Variants in BNC2 observed in about 807,000 individuals in gnomAD.
BNC2 encodes zinc finger protein basonuclin-2.
In BNC2, 20 loss-of-function variants were observed where a neutral mutation model predicts 76.3. That is an observed-to-expected ratio of 0.26 (90% CI 0.18 to 0.38). The LOEUF (loss-of-function observed/expected upper bound fraction) is 0.38. BNC2 is among the 10% of genes least tolerant of loss of function. BNC2 has a pLI of 1.00. For missense variants in BNC2, 1,382 were observed against 1,399.8 expected (o/e 0.99, Z 0.20); for synonymous variants, 582 against 514.8 (o/e 1.13, Z -1.77).
Position 16,418,666 on chromosome 9 carries a change from G to C in BNC2, c.*323C>G. On this transcript the variant is annotated 3_prime_UTR_variant, in exon 7 of 7. Transcript: ENST00000380672. ...TCAAAACTGGGGCTAGTTGCACACT[G>C]TGTGTGTGTGTGTGTGTGTGTGTGT... 6.1e-6 allele frequency: 1 copy of C among 163,360 alleles called. No homozygotes were observed. The highest frequency in any genetic ancestry group is 1.2e-4 in the South Asian group (1 of 8,378). 10.1% of individuals were successfully genotyped at this position (163,360 alleles called of 1,614,324 possible). A position where few individuals can be genotyped will look rare whatever the true frequency, so the allele number is the denominator to read the frequency against.
chr9:16,644,264 G>A (rs1315051649), intron 3 of BNC2, among the ~76,000 whole-genome samples: 1 of 152,132 alleles, frequency 6.6e-6, no homozygotes, highest in East Asian at 1.9e-4. Context: ...AATAACCTTA[G>A]GTGGCCCCCT....
intron 3 of BNC2, among the ~76,000 whole-genome samples, chr9:16,674,952 T>C (rs1215213585): frequency 6.6e-6 from 1 of 152,178 alleles, no homozygotes; most frequent in Non-Finnish European, 1.5e-5. Flanking sequence ...AGTTTAAGAA[T>C]CGGCATTTGA....
At chr9:16,622,348 G>T (rs1306247728) in intron 3 of BNC2, among the ~76,000 whole-genome samples, 1 of 152,090 alleles carries the variant, frequency 6.6e-6, no homozygotes, top group Non-Finnish European at 1.5e-5. Context: ...AATTTTTCAG[G>T]ATTTGTGTAA....
intron 3 of BNC2, among the ~76,000 whole-genome samples, chr9:16,700,628 G>T (rs1447834734): frequency 6.6e-6 from 1 of 151,836 alleles, no homozygotes; most frequent in East Asian, 1.9e-4. Flanking sequence ...TTTTTGCGGT[G>T]GTATTTACCC....
intron 1 of BNC2, among the ~76,000 whole-genome samples, chr9:16,809,330 T>A (rs772364140): frequency 2.7e-4 from 41 of 152,142 alleles, no homozygotes; most frequent in African/African-American, 9.4e-4. Context: ...TAGGAGAGAT[T>A]TGAAAACATC....
At chr9:16,477,710 T>C (rs190811629) in intron 5 of BNC2, among the ~76,000 whole-genome samples, 177 of 152,308 alleles carry the variant, frequency 1.2e-3, no homozygotes, top group African/African-American at 4.1e-3. Flanking sequence ...ATTATAGAAT[T>C]TTCTTTTTTA....
chr9:16,780,739 G>A (rs1481626936), intron 1 of BNC2, among the ~76,000 whole-genome samples: 4 of 152,020 alleles, frequency 2.6e-5, no homozygotes, highest in Non-Finnish European at 2.9e-5. Context: ...TTCAGCCCCA[G>A]AAGAGCAAAA....
At chr9:16,474,812 C>T (rs1323321548) in intron 5 of BNC2, among the ~76,000 whole-genome samples, 1 of 151,904 alleles carries the variant, frequency 6.6e-6, no homozygotes, top group Non-Finnish European at 1.5e-5. Context: ...ATTCACATAC[C>T]ATAGTAATTC....
At chr9:16,516,079 C>T (rs1038361109) in intron 5 of BNC2, among the ~76,000 whole-genome samples, 8 of 152,298 alleles carry the variant, frequency 5.3e-5, no homozygotes, top group African/African-American at 1.9e-4. Flanking sequence ...GACAACACTG[C>T]TTGAGCTGAG....
chr9:16,593,142 A>G (rs1405770530), intron 3 of BNC2, among the ~76,000 whole-genome samples: 3 of 152,128 alleles, frequency 2.0e-5, no homozygotes, highest in African/African-American at 7.2e-5. Flanking sequence ...AGCAAAAAAA[A>G]AAATCCTCAA....
intron 5 of BNC2, among the ~76,000 whole-genome samples, chr9:16,456,324 A>G (rs1563791827): frequency 6.6e-6 from 1 of 152,012 alleles, no homozygotes; most frequent in African/African-American, 2.4e-5. Flanking sequence ...TATTTGCTCT[A>G]TGTTCAATTT....
chr9:16,432,229 CTG>C (rs1337413369), intron 6 of BNC2, among the ~76,000 whole-genome samples: 1 of 152,226 alleles, frequency 6.6e-6, no homozygotes, highest in Non-Finnish European at 1.5e-5. Flanking sequence ...AGCTTTGACA[CTG>C]TTGCTTGGAA....
At chr9:16,593,244 G>A (rs1351870891) in intron 3 of BNC2, among the ~76,000 whole-genome samples, 1 of 152,014 alleles carries the variant, frequency 6.6e-6, no homozygotes, top group African/African-American at 2.4e-5. Context: ...AGAAACTTCT[G>A]GGCATATGTT....
chr9:16,829,118 CCT>C (rs909553660), intron 1 of BNC2, among the ~76,000 whole-genome samples: 20 of 152,164 alleles, frequency 1.3e-4, no homozygotes, highest in African/African-American at 3.9e-4. Context: ...GCGTCCCTCC[CCT>C]GAGTGGCCTC....
At chr9:16,816,871 G>C (rs1347439827) in intron 1 of BNC2, among the ~76,000 whole-genome samples, 2 of 152,160 alleles carry the variant, frequency 1.3e-5, no homozygotes, top group Non-Finnish European at 2.9e-5. Flanking sequence ...CTCTGGAAGA[G>C]TGAATTTAAG....
At chr9:16,565,813 A>C (rs1023599897) in intron 4 of BNC2, among the ~76,000 whole-genome samples, 2 of 152,002 alleles carry the variant, frequency 1.3e-5, no homozygotes, top group African/African-American at 4.8e-5. Context: ...TCTCAAAAAA[A>C]AAAAAAGCAA....
intron 5 of BNC2, among the ~76,000 whole-genome samples, chr9:16,471,717 G>A (rs981453824): frequency 4.6e-5 from 7 of 152,148 alleles, no homozygotes; most frequent in Non-Finnish European, 8.8e-5. Context: ...CTGCTGGGAA[G>A]GCATGACTGG....
chr9:16,761,471 C>G (rs1411027602), intron 1 of BNC2, among the ~76,000 whole-genome samples: 1 of 152,190 alleles, frequency 6.6e-6, no homozygotes, highest in African/African-American at 2.4e-5. Flanking sequence ...CTTCAAGAAA[C>G]TGATTCTAAA....
intron 1 of BNC2, among the ~76,000 whole-genome samples, chr9:16,779,961 G>T (rs1042781117): frequency 6.6e-6 from 1 of 152,162 alleles, no homozygotes; most frequent in South Asian, 2.1e-4. Flanking sequence ...AACTGGCCGG[G>T]CGTGGTGGCT....
Sources: allele counts gnomAD v4.1 joint callset (sites outside exome capture counted in the v4.1 genomes callset), GRCh38; gene constraint gnomAD v4.1.1; transcripts MANE v1.5; gene names NCBI Gene and HGNC (gene_info 2026-07-23, HGNC 2026-07-21).